CEP112: variants seen among roughly 807,000 people sequenced by gnomAD.
CEP112 encodes centrosomal protein 112, also known as centrosomal protein of 112 kDa.
In CEP112, 127 loss-of-function variants were observed where a neutral mutation model predicts 153.0. That is an observed-to-expected ratio of 0.83 (90% CI 0.72 to 0.96). CEP112 has a LOEUF of 0.96. Ranked by LOEUF, CEP112 falls within the 40% of genes least tolerant of loss-of-function variation. The pLI is 0.00. For missense variants in CEP112, 1,089 were observed against 1,101.2 expected (o/e 0.99, Z 0.16); for synonymous variants, 358 against 374.4 (o/e 0.96, Z 0.51).
chr17:65,712,766 C>G (rs556132635), intron 23 of CEP112, among the ~76,000 whole-genome samples: 1 of 152,264 alleles, frequency 6.6e-6, no homozygotes, highest in African/African-American at 2.4e-5. Flanking sequence ...CTAATTTTCA[C>G]TTTTGATGAG....
At chr17:66,167,630 G>C (rs1598481128) in intron 4 of CEP112, among the ~76,000 whole-genome samples, 1 of 151,962 alleles carries the variant, frequency 6.6e-6, no homozygotes, top group African/African-American at 2.4e-5. Context: ...CAGCACAAGT[G>C]GAAAAAAACA....
intron 4 of CEP112, among the ~76,000 whole-genome samples, chr17:66,137,285 A>C (rs1340796021): frequency 6.6e-6 from 1 of 152,148 alleles, no homozygotes; most frequent in Non-Finnish European, 1.5e-5. Flanking sequence ...TTGAAATTAT[A>C]CATTCCACAA....
At chr17:65,749,700 T>C (rs2051699281) in intron 22 of CEP112, among the ~76,000 whole-genome samples, 1 of 147,864 alleles carries the variant, frequency 6.8e-6, no homozygotes, top group Non-Finnish European at 1.5e-5. Context: ...CCAGTAATAG[T>C]TCCTAATTCC....
At chr17:66,132,366 T>G (rs943026868) in intron 5 of CEP112, among the ~76,000 whole-genome samples, 3 of 152,100 alleles carry the variant, frequency 2.0e-5, no homozygotes, top group Non-Finnish European at 4.4e-5. Context: ...CTTAATTTTA[T>G]GATCACTGGG....
At chr17:65,675,096 C>T (rs1231746721) in intron 24 of CEP112, among the ~76,000 whole-genome samples, 1 of 152,074 alleles carries the variant, frequency 6.6e-6, no homozygotes, top group African/African-American at 2.4e-5. Flanking sequence ...AATTAGTGAG[C>T]TAGAGACTGG....
chr17:66,028,147 C>T (rs1337692378), intron 15 of CEP112, among the ~76,000 whole-genome samples, 166 bp downstream of exon 15: 1 of 151,174 alleles, frequency 6.6e-6, no homozygotes, highest in African/African-American at 2.4e-5. Flanking sequence ...AAGCATCAAT[C>T]TCTATTAAGA....
intron 24 of CEP112, among the ~76,000 whole-genome samples, chr17:65,681,995 T>C (rs543636844): frequency 6.6e-6 from 1 of 151,486 alleles, no homozygotes; most frequent in East Asian, 2.0e-4. Context: ...TTTTCTTTTC[T>C]TTCTTTCTTT....
At chr17:65,883,774 A>G (rs2059173380) in intron 20 of CEP112, among the ~76,000 whole-genome samples, 1 of 152,220 alleles carries the variant, frequency 6.6e-6, no homozygotes, top group African/African-American at 2.4e-5. Flanking sequence ...GTTGAGAAAA[A>G]TAAGAGATAA....
chr17:66,129,887 G>T, intron 5 of CEP112, 64 bp from the exon 6 acceptor site: 1 of 1,024,970 alleles, frequency 9.8e-7, no homozygotes, highest in South Asian at 1.4e-5. Context: ...AAAAGGAAAA[G>T]ATGGAAGAGA....
At chr17:65,705,282 G>A (rs1598358977) in intron 23 of CEP112, among the ~76,000 whole-genome samples, 1 of 152,146 alleles carries the variant, frequency 6.6e-6, no homozygotes, top group African/African-American at 2.4e-5. Context: ...GTGCAAATGA[G>A]GAAATAGTGA....
chr17:66,152,284 T>C (rs1426008077), intron 4 of CEP112, among the ~76,000 whole-genome samples: 3 of 152,172 alleles, frequency 2.0e-5, no homozygotes, highest in African/African-American at 7.2e-5. Flanking sequence ...AGGGGGATCC[T>C]TTTTACATAG....
intron 21 of CEP112, among the ~76,000 whole-genome samples, chr17:65,754,436 C>A (rs1011679778): frequency 3.3e-5 from 5 of 152,102 alleles, no homozygotes; most frequent in Non-Finnish European, 7.4e-5. Flanking sequence ...TGGTGAAACC[C>A]TGTCCCTACA....
intron 17 of CEP112, among the ~76,000 whole-genome samples, chr17:65,995,468 T>C (rs1418918488): frequency 6.6e-6 from 1 of 152,138 alleles, no homozygotes; most frequent in East Asian, 1.9e-4. Flanking sequence ...GGTTCAAGTA[T>C]AGTTCAAAAT....
intron 16 of CEP112, among the ~76,000 whole-genome samples, chr17:66,020,287 A>G (rs1052563078): frequency 9.9e-5 from 15 of 152,228 alleles, no homozygotes; most frequent in African/African-American, 3.6e-4. Flanking sequence ...AAATATACTT[A>G]ACATTTTGTA....
At chr17:66,082,505 T>C (rs1358733101) in intron 8 of CEP112, among the ~76,000 whole-genome samples, 5 of 152,226 alleles carry the variant, frequency 3.3e-5, no homozygotes, top group African/African-American at 7.2e-5. Context: ...GCCTCATGCC[T>C]ATAATCCTAG....
intron 23 of CEP112, among the ~76,000 whole-genome samples, chr17:65,724,875 C>A (rs1288590692): frequency 6.6e-6 from 1 of 152,166 alleles, no homozygotes; most frequent in Non-Finnish European, 1.5e-5. Context: ...CACTGCACAG[C>A]CCCTCCTGCT....
chr17:65,652,884 C>A (rs529920801), intron 24 of CEP112, among the ~76,000 whole-genome samples: 5 of 152,310 alleles, frequency 3.3e-5, no homozygotes, highest in African/African-American at 1.2e-4. Flanking sequence ...ATATTTCTCA[C>A]AGTTCTGGAG....
intron 11 of CEP112, among the ~76,000 whole-genome samples, chr17:66,061,233 T>C (rs1313804149): frequency 6.6e-6 from 1 of 151,980 alleles, no homozygotes; most frequent in Non-Finnish European, 1.5e-5. Context: ...CAATGAGATA[T>C]CATCTAACTG....
rs79104085 is a variant in CEP112, at chr17:66,191,207, T to G, written c.-9+790A>C. On this transcript the variant is annotated intron_variant, in intron 1 of 26. Coordinates refer to ENST00000535342, the MANE Select transcript of CEP112 (RefSeq NM_001199165.4). This position sits in a 1 kb window ranked among gnomAD's most constrained non-coding sequence, Gnocchi z 4.2. ...TGAAGTCACTGACCTAGGTTCTTAG[T>G]GGACAGTGACAGCTGGGCCTGAACA... Among the ~76,000 whole-genome samples, 5,314 of 152,274 alleles carry G rather than the reference T, an allele frequency of 0.035. 138 individuals carry two copies. The highest frequency in any genetic ancestry group is 0.061 in the Middle Eastern group (18 of 294).
Sources: gnomAD v4.1 joint callset for allele counts (sites outside exome capture counted in the v4.1 genomes callset) on GRCh38, gnomAD v4.1.1 for gene constraint, Gnocchi (gnomAD v3.1) non-coding constraint, MANE v1.5 for transcripts, NCBI Gene and HGNC (gene_info 2026-07-23, HGNC 2026-07-21) for gene names.